Variants in ZNF536 observed in about 807,000 individuals in gnomAD.
The protein encoded by ZNF536 is zinc finger protein 536.
ZNF536 carries 13 observed loss-of-function variants against 84.5 expected under a neutral mutation model. The ratio of observed to expected loss-of-function variants is 0.15; its 90% CI spans 0.10 to 0.24. The LOEUF (loss-of-function observed/expected upper bound fraction) is 0.24, where lower values mean the gene tolerates loss of function less well. ZNF536 is among the 10% of genes least tolerant of loss of function. The pLI is 1.00. For missense variants in ZNF536, 1,536 were observed against 1,747.5 expected, an observed-to-expected ratio of 0.88 and a Z score of 2.16; for synonymous variants, 811 against 742.5, an observed-to-expected ratio of 1.09 and a Z score of -1.50.
intron 1 of ZNF536, among the ~76,000 whole-genome samples, chr19:30,428,991 AAC>A (rs2051332211): frequency 6.6e-6 from 1 of 152,152 alleles, no homozygotes; most frequent in African/African-American, 2.4e-5. Context: ...TTCCTTGTCT[AAC>A]ACATGGGAAG....
chr19:30,433,715 T>A (rs1231436281), intron 1 of ZNF536, among the ~76,000 whole-genome samples: 1 of 152,184 alleles, frequency 6.6e-6, no homozygotes, highest in Non-Finnish European at 1.5e-5. Flanking sequence ...CAGGCTGGTC[T>A]CAGACTCCTG....
chr19:30,488,628 C>G (rs1490895778), intron 2 of ZNF536, among the ~76,000 whole-genome samples: 1 of 151,456 alleles, frequency 6.6e-6, no homozygotes, highest in East Asian at 1.9e-4. Flanking sequence ...CACATAGACA[C>G]TTTCATGTGG....
At chr19:30,393,763 A>AG (rs1176088287) in intron 1 of ZNF536, among the ~76,000 whole-genome samples, 1 of 152,200 alleles carries the variant, frequency 6.6e-6, no homozygotes, top group Non-Finnish European at 1.5e-5. Context: ...GGAAGCTGTG[A>AG]GCTGAGCTGG....
At chr19:30,270,987 T>C (rs1227754379) in intron 1 of ZNF536, among the ~76,000 whole-genome samples, 4 of 152,152 alleles carry the variant, frequency 2.6e-5, no homozygotes, top group Non-Finnish European at 5.9e-5. Flanking sequence ...CATCCCCTTG[T>C]TACCTGTGGG....
chr19:30,277,282 C>A (rs577081054), intron 1 of ZNF536, among the ~76,000 whole-genome samples: 1 of 152,208 alleles, frequency 6.6e-6, no homozygotes, highest in South Asian at 2.1e-4. Context: ...TGGCTCTGAG[C>A]ATCTTGGCTT....
At chr19:30,468,033 G>A (rs115279187) in intron 2 of ZNF536, among the ~76,000 whole-genome samples, 1,648 of 152,354 alleles carry the variant, frequency 0.011, 34 homozygotes, top group African/African-American at 0.038. Context: ...CTGGGAGTGA[G>A]TGAGCACAAA....
At chr19:30,626,284 T>G (rs1055642322) in intron 1 of ZNF536, among the ~76,000 whole-genome samples, 13 of 152,168 alleles carry the variant, frequency 8.5e-5, no homozygotes, top group Admixed American at 4.6e-4. Context: ...TCATAAAAAT[T>G]TAGCAATTTT....
At chr19:30,226,290 A>G (rs2022608912), upstream of ZNF536, among the ~76,000 whole-genome samples, 1 of 151,214 alleles carries the variant, frequency 6.6e-6, no homozygotes, top group Non-Finnish European at 1.5e-5. This position sits in a 1 kb window ranked among gnomAD's most constrained non-coding sequence, Gnocchi z 4.6. Context: ...GACTTTCCCC[A>G]TTTTCTCCTC....
intron 1 of ZNF536, among the ~76,000 whole-genome samples, chr19:30,579,404 T>G (rs533933721): frequency 6.6e-6 from 1 of 152,318 alleles, no homozygotes. Context: ...AGTAGGTGGC[T>G]AGGTCAGCTG....
intron 1 of ZNF536, among the ~76,000 whole-genome samples, chr19:30,383,486 C>T (rs2049104212): frequency 6.6e-6 from 1 of 152,154 alleles, no homozygotes. Flanking sequence ...ACCAACCACT[C>T]TGCTAGCTGG....
intron 1 of ZNF536, among the ~76,000 whole-genome samples, chr19:30,409,242 A>G (rs1434330005): frequency 1.3e-5 from 2 of 152,230 alleles, no homozygotes; most frequent in Admixed American, 6.5e-5. Context: ...TGTTGAATAA[A>G]TGAATGAATA....
chr19:30,381,747 A>G (rs2049032183), intron 1 of ZNF536, among the ~76,000 whole-genome samples: 1 of 152,114 alleles, frequency 6.6e-6, no homozygotes, highest in Admixed American at 6.5e-5. Context: ...AACGTTGTAA[A>G]CAGGCTTTCT....
intron 2 of ZNF536, among the ~76,000 whole-genome samples, chr19:30,337,244 C>T (rs937496121): frequency 6.6e-6 from 1 of 152,202 alleles, no homozygotes; most frequent in Non-Finnish European, 1.5e-5. Context: ...CCCAGCCCGG[C>T]TGCCTGGCCC....
intron 2 of ZNF536, among the ~76,000 whole-genome samples, chr19:30,490,677 C>T (rs1404798586): frequency 6.6e-6 from 1 of 152,218 alleles, no homozygotes; most frequent in Non-Finnish European, 1.5e-5. Context: ...AGGGCACTCT[C>T]TCCTAAGTAT....
chr19:30,636,223 T>G (rs1003149978), intron 1 of ZNF536, among the ~76,000 whole-genome samples: 19 of 152,184 alleles, frequency 1.2e-4, no homozygotes, highest in African/African-American at 4.3e-4. Flanking sequence ...AGCATTTTAA[T>G]GATGAGGGAA....
At chr19:30,321,050 G>A (rs574730743) in intron 2 of ZNF536, among the ~76,000 whole-genome samples, 1 of 152,152 alleles carries the variant, frequency 6.6e-6, no homozygotes, top group Non-Finnish European at 1.5e-5. Flanking sequence ...TCCCTTGGGC[G>A]TGGGGCCCCC....
intron 1 of ZNF536, among the ~76,000 whole-genome samples, chr19:30,689,366 A>C (rs1600274804): frequency 6.6e-6 from 1 of 152,324 alleles, no homozygotes; most frequent in Admixed American, 6.5e-5. Context: ...AATGCCAAAA[A>C]CATGTCCGTC....
chr19:30,255,565 A>G (rs1599907856), intron 1 of ZNF536, among the ~76,000 whole-genome samples: 1 of 152,200 alleles, frequency 6.6e-6, no homozygotes, highest in Admixed American at 6.5e-5. Flanking sequence ...ACAGTAATTA[A>G]TTTAGTGAAA....
intron 1 of ZNF536, among the ~76,000 whole-genome samples, chr19:30,600,223 G>A (rs2047637415): frequency 6.6e-6 from 1 of 152,064 alleles, no homozygotes; most frequent in African/African-American, 2.4e-5. Context: ...CTCCCTAGTA[G>A]CTGAGATTAC....
Sources: gnomAD v4.1 joint callset for allele counts (sites outside exome capture counted in the v4.1 genomes callset) on GRCh38, gnomAD v4.1.1 for gene constraint, Gnocchi (gnomAD v3.1) non-coding constraint, MANE v1.5 for transcripts, NCBI Gene and HGNC (gene_info 2026-07-23, HGNC 2026-07-21) for gene names.